LIN52: variants seen among roughly 807,000 people sequenced by gnomAD.
LIN52 encodes lin-52 DREAM MuvB core complex component.
Under a neutral mutation model 18.5 loss-of-function variants are expected in LIN52, and 4 were observed. The ratio of observed to expected loss-of-function variants is 0.22; its 90% CI spans 0.11 to 0.49. LIN52 has a LOEUF of 0.49. LIN52 is among the 20% of genes least tolerant of loss of function. The probability of loss-of-function intolerance (pLI) is 0.97; values close to 1 mark genes in which losing one functional copy is unlikely to be tolerated. For missense variants in LIN52, 102 were observed against 139.5 expected (o/e 0.73, Z 1.35); for synonymous variants, 34 against 45.5 (o/e 0.75, Z 1.02).
chr14:74,192,072 A>G (rs1458705247), intron 5 of LIN52, among the ~76,000 whole-genome samples: 1 of 150,344 alleles, frequency 6.7e-6, no homozygotes, highest in Non-Finnish European at 1.5e-5. Context: ...ACACAGATGC[A>G]AGTCATTTGT....
intron 5 of LIN52, among the ~76,000 whole-genome samples, chr14:74,102,891 C>G (rs1167695157): frequency 1.3e-5 from 2 of 152,072 alleles, no homozygotes; most frequent in Non-Finnish European, 2.9e-5. Context: ...ATTATTTATA[C>G]CAAAGTAGAG....
rs570680341 is a variant in LIN52, at chr14:74,097,786, T to C, written c.133-8T>C. 1 of 1,596,444 alleles carries C rather than the reference T, an allele frequency of 6.3e-7. No individual in the cohort carries two copies. The highest frequency in any genetic ancestry group is 1.1e-5 in the South Asian group (1 of 90,604). On this transcript the variant is annotated splice_region_variant and splice_polypyrimidine_tract_variant and intron_variant, in intron 3 of 5. Coordinates refer to ENST00000555028, the MANE Select transcript of LIN52 (RefSeq NM_001024674.3). ...ATGTGTCTGAATGGATATATTATTT[T>C]TTGACAGCCTATTACTAGTTCTCCA...
intron 5 of LIN52, among the ~76,000 whole-genome samples, chr14:74,105,198 C>A (rs2060889316): frequency 6.6e-6 from 1 of 151,968 alleles, no homozygotes; most frequent in Non-Finnish European, 1.5e-5. Flanking sequence ...TAAATCCACA[C>A]AATTAAAGCC....
chr14:74,190,721 G>A (rs1223237319), intron 5 of LIN52, among the ~76,000 whole-genome samples: 1 of 152,132 alleles, frequency 6.6e-6, no homozygotes, highest in East Asian at 1.9e-4. Context: ...AAAGCCTCAA[G>A]GCTGCCGACC....
rs116913224 is a variant in LIN52 at position 74,155,131 on chromosome 14, G to A, written c.284-43791G>A. Among the ~76,000 whole-genome samples the A allele has an allele frequency of 4.7e-4, 72 of 152,328 alleles. 1 individual carries two copies. The East Asian group carries it at 0.011, about 23-fold the overall frequency. ...CTGGCTCTTTGCCTTCTAGTGCCAA[G>A]CAGCCCCTCTTCTTCCTGGAAAGCT... On this transcript the variant is annotated intron_variant, in intron 5 of 5. Transcript: ENST00000555028.
At chr14:74,101,648 G>A (rs1471019014) in intron 5 of LIN52, among the ~76,000 whole-genome samples, 1 of 151,772 alleles carries the variant, frequency 6.6e-6, no homozygotes, top group Non-Finnish European at 1.5e-5. Flanking sequence ...TTTTAGTAGA[G>A]ACGGGGTTTC....
chr14:74,197,458 C>T (rs1176012858), intron 5 of LIN52, among the ~76,000 whole-genome samples: 1 of 152,194 alleles, frequency 6.6e-6, no homozygotes, highest in Non-Finnish European at 1.5e-5. Flanking sequence ...GGAGAGAAGA[C>T]CAAAGCTCTT....
chr14:74,134,041 G>A (rs1287764093), intron 5 of LIN52, among the ~76,000 whole-genome samples: 1 of 152,214 alleles, frequency 6.6e-6, no homozygotes, highest in Non-Finnish European at 1.5e-5. Context: ...GTTTGGAAAT[G>A]AAGGAGGTAC....
intron 5 of LIN52, among the ~76,000 whole-genome samples, chr14:74,181,128 AG>A (rs1389830211): frequency 7.9e-5 from 11 of 140,050 alleles, no homozygotes; most frequent in Admixed American, 1.5e-4. Context: ...AAAAAAAAAA[AG>A]AAAAAAGAAA....
At chr14:74,166,614 G>A (rs2061251075) in intron 5 of LIN52, among the ~76,000 whole-genome samples, 1 of 152,160 alleles carries the variant, frequency 6.6e-6, no homozygotes, top group South Asian at 2.1e-4. Context: ...TTTTCTGGGT[G>A]GGAAGCAACT....
intron 5 of LIN52, among the ~76,000 whole-genome samples, chr14:74,120,229 A>G (rs1343072691): frequency 6.6e-6 from 1 of 152,184 alleles, no homozygotes; most frequent in African/African-American, 2.4e-5. Context: ...CAAATATTCC[A>G]CTTTGTAGCT....
chr14:74,163,776 G>A (rs933066206), intron 5 of LIN52, among the ~76,000 whole-genome samples: 2 of 152,170 alleles, frequency 1.3e-5, no homozygotes, highest in South Asian at 2.1e-4. Flanking sequence ...GGCAGTTCAC[G>A]AAACTTCAAA....
chr14:74,092,842 G>A (rs1245892460), intron 2 of LIN52, among the ~76,000 whole-genome samples: 1 of 151,618 alleles, frequency 6.6e-6, no homozygotes, highest in East Asian at 2.0e-4. Context: ...GCCTGAACCC[G>A]GGAGGCGGAG....
chr14:74,145,202 A>G (rs1205925345), intron 5 of LIN52, among the ~76,000 whole-genome samples: 3 of 152,186 alleles, frequency 2.0e-5, no homozygotes, highest in Non-Finnish European at 4.4e-5. Flanking sequence ...ACGTTGACTA[A>G]ATGTATGAAA....
intron 5 of LIN52, among the ~76,000 whole-genome samples, chr14:74,184,414 A>G (rs1253655103): frequency 1.3e-5 from 2 of 152,262 alleles, no homozygotes; most frequent in African/African-American, 4.8e-5. Flanking sequence ...GTCATTTAAC[A>G]TGTTCTTCTT....
At chr14:74,198,418 G>A (rs115359208) in intron 5 of LIN52, among the ~76,000 whole-genome samples, 1 of 152,260 alleles carries the variant, frequency 6.6e-6, no homozygotes, top group East Asian at 1.9e-4. Flanking sequence ...CAGATGAACT[G>A]CACTGAGGGA....
At chr14:74,129,760 A>T (rs1661716715) in intron 5 of LIN52, among the ~76,000 whole-genome samples, 1 of 152,162 alleles carries the variant, frequency 6.6e-6, no homozygotes, top group African/African-American at 2.4e-5. Flanking sequence ...AGACAAGAGG[A>T]TTCCTTGAAT....
chr14:74,088,773 A>C (rs1037713850), intron 1 of LIN52, among the ~76,000 whole-genome samples: 1 of 152,246 alleles, frequency 6.6e-6, no homozygotes, highest in African/African-American at 2.4e-5. Flanking sequence ...GGTTACCCAG[A>C]AAATGTTAAG....
chr14:74,188,561 TC>T (rs2061350113), intron 5 of LIN52, among the ~76,000 whole-genome samples: 2 of 151,842 alleles, frequency 1.3e-5, no homozygotes, highest in Non-Finnish European at 2.9e-5. Context: ...CACCCCCGTT[TC>T]CCCCCACACT....
Sources: allele counts gnomAD v4.1 joint callset (sites outside exome capture counted in the v4.1 genomes callset), GRCh38; gene constraint gnomAD v4.1.1; transcripts MANE v1.5; gene names NCBI Gene and HGNC (gene_info 2026-07-23, HGNC 2026-07-21).